MECOM: variants seen among roughly 807,000 people sequenced by gnomAD.
The protein encoded by MECOM is histone-lysine N-methyltransferase MECOM.
A neutral mutation model predicts 116.3 loss-of-function variants in MECOM; 13 were observed. The observed-to-expected ratio is 0.11, with a 90% confidence interval of 0.07 to 0.18. The LOEUF is 0.18. Ranked by LOEUF, MECOM falls within the 10% of genes least tolerant of loss-of-function variation. The pLI is 1.00. For synonymous variants in MECOM, 528 were observed against 535.2 expected (o/e 0.99, Z 0.19); for missense variants, 1,299 against 1,509.0 (o/e 0.86, Z 2.31).
At chr3:169,382,347 G>C (rs756636459) in intron 1 of MECOM, among the ~76,000 whole-genome samples, 1 of 152,056 alleles carries the variant, frequency 6.6e-6, no homozygotes, top group Admixed American at 6.6e-5. Context: ...ACCTGGGGAG[G>C]TGGCAAGACC....
At chr3:169,523,627 A>G (rs1757611940) in intron 1 of MECOM, among the ~76,000 whole-genome samples, 1 of 152,140 alleles carries the variant, frequency 6.6e-6, no homozygotes, top group East Asian at 1.9e-4. Context: ...CTGTGTAACC[A>G]TTCCCAAACT....
intron 1 of MECOM, among the ~76,000 whole-genome samples, chr3:169,566,518 A>C (rs961025178): frequency 1.3e-5 from 2 of 152,200 alleles, no homozygotes; most frequent in Non-Finnish European, 1.5e-5. Flanking sequence ...GGTACCATGC[A>C]ATGGGGCTTT....
chr3:169,169,893 G>T (rs1333101662), intron 2 of MECOM, among the ~76,000 whole-genome samples: 1 of 151,338 alleles, frequency 6.6e-6, no homozygotes, highest in Non-Finnish European at 1.5e-5. Context: ...AAATACAAAG[G>T]CCTAGATGAT....
chr3:169,641,973 G>A (rs11720467), intron 1 of MECOM, among the ~76,000 whole-genome samples: 1 of 152,010 alleles, frequency 6.6e-6, no homozygotes, highest in East Asian at 1.9e-4. Context: ...CTCTTTTAAT[G>A]ATACATTTAC....
chr3:169,603,947 T>C (rs1380851416), intron 1 of MECOM, among the ~76,000 whole-genome samples: 1 of 152,106 alleles, frequency 6.6e-6, no homozygotes, highest in African/African-American at 2.4e-5. Flanking sequence ...CTGTAGAGAG[T>C]CTGAAGAAGC....
chr3:169,319,821 C>G (rs1393051551), intron 2 of MECOM, among the ~76,000 whole-genome samples: 2 of 152,222 alleles, frequency 1.3e-5, no homozygotes, highest in Non-Finnish European at 2.9e-5. Flanking sequence ...TAAGGTATAA[C>G]ATGACTGTGG....
intron 2 of MECOM, among the ~76,000 whole-genome samples, chr3:169,293,357 T>C (rs1449792840): frequency 6.6e-6 from 1 of 152,204 alleles, no homozygotes; most frequent in East Asian, 1.9e-4. Context: ...GCCCTTCCTC[T>C]CTGACCTCAC....
chr3:169,418,584 A>G (rs1235898724), intron 1 of MECOM, among the ~76,000 whole-genome samples: 1 of 152,150 alleles, frequency 6.6e-6, no homozygotes, highest in Non-Finnish European at 1.5e-5. Flanking sequence ...ATGCAAGGCT[A>G]GATCATCATA....
chr3:169,376,083 G>C (rs1308817898), intron 2 of MECOM, among the ~76,000 whole-genome samples: 1 of 151,748 alleles, frequency 6.6e-6, no homozygotes, highest in African/African-American at 2.4e-5. Flanking sequence ...AAAAACACAG[G>C]ATTATCTCAA....
At chr3:169,562,496 G>A (rs1371192964) in intron 1 of MECOM, among the ~76,000 whole-genome samples, 1 of 152,164 alleles carries the variant, frequency 6.6e-6, no homozygotes, top group Admixed American at 6.5e-5. Context: ...TTATGGTGGA[G>A]GGGCTCACCC....
chr3:169,209,487 A>G (rs1034565762), intron 2 of MECOM, among the ~76,000 whole-genome samples: 1 of 151,820 alleles, frequency 6.6e-6, no homozygotes, highest in Non-Finnish European at 1.5e-5. Context: ...AGAATCTACA[A>G]GGAACTTAAA....
intron 2 of MECOM, among the ~76,000 whole-genome samples, chr3:169,212,113 T>C (rs1255635309): frequency 6.6e-6 from 1 of 152,122 alleles, no homozygotes. Flanking sequence ...CTTGGGGCCT[T>C]GGACATGATC....
Position 169,135,466 on chromosome 3 carries a change from A to G in MECOM, c.511-3935T>C, listed in dbSNP as rs78540204. On this transcript the variant is annotated intron_variant, in intron 3 of 16. Transcript: ENST00000651503. The stretch of plus-strand genomic sequence containing the variant: ...AAGAAAAAACTCAATTCTTCCCAAT[A>G]TAAGGTGAAAGACAAGAAGAATGGG... 1.8e-3 allele frequency among the ~76,000 whole-genome samples: 274 copies of G among 152,122 alleles called. 7 individuals carry two copies. In the East Asian group the frequency reaches 0.049, roughly 27 times the overall value.
intron 2 of MECOM, among the ~76,000 whole-genome samples, chr3:169,204,631 T>A (rs1749659113): frequency 6.6e-6 from 1 of 152,202 alleles, no homozygotes; most frequent in South Asian, 2.1e-4. Context: ...GATCAATATT[T>A]AAAATGAATA....
Position 169,472,503 on chromosome 3 carries a change from G to GAAAAGA in MECOM, c.38-90980_38-90979insTCTTTT, listed in dbSNP as rs1560317500. 2.5e-4 allele frequency among the ~76,000 whole-genome samples: 21 copies of GAAAAGA among 82,872 alleles called. 2 individuals are homozygous for GAAAAGA. Among genetic ancestry groups the GAAAAGA allele is most frequent in the African/African-American group, 6.7e-4 (12 of 17,822 alleles). The allele number at this position is 82,872 out of a possible 152,430, so 54.4% of individuals were successfully genotyped here. On this transcript the variant is annotated intron_variant, in intron 1 of 16. Coordinates refer to ENST00000651503, the MANE Select transcript of MECOM (RefSeq NM_004991.4). ...GAAAGGAAAGGAAAGGAAAGGAAAG[G>GAAAAGA]AAAGGAAAGGAAAGGAAAGAAAAGA...
intron 2 of MECOM, among the ~76,000 whole-genome samples, chr3:169,317,163 TTA>T (rs1377664171): frequency 6.6e-6 from 1 of 152,210 alleles, no homozygotes; most frequent in African/African-American, 2.4e-5. Flanking sequence ...CTTAGAGTTG[TTA>T]TACGAGTTGT....
At chr3:169,099,051 T>G (rs1018282501) in intron 12 of MECOM, among the ~76,000 whole-genome samples, 1 of 151,654 alleles carries the variant, frequency 6.6e-6, no homozygotes, top group Admixed American at 6.6e-5. Flanking sequence ...TATTGTGGTG[T>G]CCTACTTGTG....
chr3:169,117,011 AT>A (rs1729379745), intron 7 of MECOM, among the ~76,000 whole-genome samples: 1 of 152,130 alleles, frequency 6.6e-6, no homozygotes, highest in African/African-American at 2.4e-5. Context: ...TTTGCATAAT[AT>A]TTGTGTATTT....
intron 1 of MECOM, among the ~76,000 whole-genome samples, chr3:169,640,475 T>C (rs535454617): frequency 3.3e-5 from 5 of 152,354 alleles, no homozygotes; most frequent in African/African-American, 1.2e-4. Flanking sequence ...TTTAATGGAA[T>C]TTGAGGAGAA....
Sources: allele counts gnomAD v4.1 joint callset (sites outside exome capture counted in the v4.1 genomes callset), GRCh38; gene constraint gnomAD v4.1.1; transcripts MANE v1.5; gene names NCBI Gene and HGNC (gene_info 2026-07-23, HGNC 2026-07-21).